Variants in ZCCHC2 observed in about 807,000 individuals in gnomAD.
The protein encoded by ZCCHC2 is zinc finger CCHC domain-containing protein 2.
In ZCCHC2, 39 loss-of-function variants were observed where a neutral mutation model predicts 103.6. The ratio of observed to expected loss-of-function variants is 0.38; its 90% CI spans 0.29 to 0.49. The LOEUF is 0.49. Ranked by LOEUF, ZCCHC2 falls within the 20% of genes least tolerant of loss-of-function variation. The pLI is 0.96. For synonymous variants in ZCCHC2, 687 were observed against 608.9 expected (o/e 1.13, Z -1.89); for missense variants, 1,483 against 1,491.0 (o/e 0.99, Z 0.09).
At chr18:62,567,516 G>A (rs1916417271) in intron 11 of ZCCHC2, among the ~76,000 whole-genome samples, 1 of 152,220 alleles carries the variant, frequency 6.6e-6, no homozygotes, top group Non-Finnish European at 1.5e-5. Flanking sequence ...GCCCTCCTCT[G>A]TGCTGGCTCC....
rs1179048156 is a variant in ZCCHC2, at chr18:62,524,283, C to T, written c.859C>T (p.Leu287Phe). The T allele has an allele frequency of 6.5e-7, 1 of 1,549,016 alleles. No individual in the cohort carries two copies. Among genetic ancestry groups the T allele is most frequent in the Non-Finnish European group, 8.7e-7 (1 of 1,146,432 alleles). Residue 287 changes from leucine (L) to phenylalanine (F), a missense_variant, in exon 1 of 14, where the codon CTC becomes TTC. By Grantham distance (22) the Leu-to-Phe change is conservative. Coordinates refer to ENST00000269499, the MANE Select transcript of ZCCHC2 (RefSeq NM_017742.6). Reference sequence around the variant, plus strand: ...CACCCTGAGGGAACACTTGGAGAGGCTCCGCGCCGCGCTCCGCGGGGGCCC... The same window carrying T: ...CACCCTGAGGGAACACTTGGAGAGGTTCCGCGCCGCGCTCCGCGGGGGCCC... The part of the protein sequence containing the change: ...RVTLREHLER[L>F]RAALRGGPED...
At position 62,577,331 on chromosome 18, in the gene ZCCHC2, ACTTC is replaced by A. The variant is rs1916889293; in HGVS notation, c.*754_*757del. ...AAGCTTTTTCTGAAACCAACTTTTT[ACTTC>A]CATCATCCTTTTTTAGCCTGTTGCT... On this transcript the variant is annotated 3_prime_UTR_variant, in exon 14 of 14. Coordinates refer to ENST00000269499, the MANE Select transcript of ZCCHC2 (RefSeq NM_017742.6). 1 of 152,298 alleles carries A rather than the reference ACTTC, an allele frequency of 6.6e-6. No homozygotes were observed. Among genetic ancestry groups the A allele is most frequent in the Non-Finnish European group, 1.5e-5 (1 of 68,036 alleles). 9.4% of individuals were successfully genotyped at this position (152,298 alleles called of 1,614,324 possible).
chr18:62,586,467 T>C (rs1379444237), exon 15 of ZCCHC2: 1 of 151,520 alleles, frequency 6.6e-6, no homozygotes, highest in African/African-American at 2.4e-5. Context: ...TCCTCTCTGC[T>C]TGCATGTGTA....
chr18:62,544,946 A>C, intron 4 of ZCCHC2, 73 bp downstream of exon 4: 6 of 1,218,900 alleles, frequency 4.9e-6, no homozygotes, highest in Admixed American at 3.3e-5. Context: ...ACGTCAAAAA[A>C]ACACCAGGAA....
At position 62,575,557 on chromosome 18, in the gene ZCCHC2, A is replaced by T. The variant is rs757003671; in HGVS notation, c.3469+7A>T. ...ATGGAGGCCAATCAACAAGGTAATC[A>T]CAATAACTCCCAGAGGACTTGTTTT... is the stretch of plus-strand genomic sequence containing the variant. On this transcript the variant is annotated splice_region_variant and intron_variant, in intron 13 of 13. Transcript: ENST00000269499. 8.1e-6 allele frequency: 13 copies of T among 1,609,966 alleles called. No homozygotes were observed. The highest frequency in any genetic ancestry group is 1.1e-5 in the Non-Finnish European group (13 of 1,177,134).
exon 15 of ZCCHC2, chr18:62,586,168 G>A (rs958375103): frequency 1.3e-5 from 2 of 150,994 alleles, no homozygotes; most frequent in African/African-American, 4.9e-5. Context: ...ATGGAACTGA[G>A]TCATCTCAAA....
At chr18:62,528,998 A>G (rs941445635) in intron 1 of ZCCHC2, among the ~76,000 whole-genome samples, 1 of 152,020 alleles carries the variant, frequency 6.6e-6, no homozygotes, top group Non-Finnish European at 1.5e-5. Flanking sequence ...TATCTCTACT[A>G]AAAATATAAA....
At chr18:62,567,509 C>T (rs114719339) in intron 11 of ZCCHC2, among the ~76,000 whole-genome samples, 2,040 of 152,312 alleles carry the variant, frequency 0.013, 54 homozygotes, top group African/African-American at 0.047. Context: ...GCTCCCAGCC[C>T]TCCTCTGTGC....
chr18:62,565,292 G>C (rs1210656908), intron 11 of ZCCHC2, among the ~76,000 whole-genome samples, 196 bp downstream of exon 11: 2 of 152,100 alleles, frequency 1.3e-5, no homozygotes, highest in Admixed American at 6.5e-5. Context: ...AACCAGCCAT[G>C]GGGGTGGAGA....
At chr18:62,525,978 T>C (rs1914372586) in intron 1 of ZCCHC2, 2 of 152,234 alleles carry the variant, frequency 1.3e-5, no homozygotes, top group South Asian at 4.1e-4. Flanking sequence ...AAATTGCAGG[T>C]CTAAAGAAAA....
At chr18:62,549,718 G>T (rs146694141) in intron 4 of ZCCHC2, among the ~76,000 whole-genome samples, 1,639 of 152,292 alleles carry the variant, frequency 0.011, 27 homozygotes, top group African/African-American at 0.037. Flanking sequence ...TTGGCCAAGT[G>T]TTGATTTTTT....
At chr18:62,532,907 C>T (rs1914750754) in intron 1 of ZCCHC2, among the ~76,000 whole-genome samples, 2 of 152,006 alleles carry the variant, frequency 1.3e-5, no homozygotes. Flanking sequence ...CGTAGTGGTG[C>T]ATGTCTGTAG....
chr18:62,574,767 A>G lies in ZCCHC2; in HGVS notation c.2686A>G (p.Thr896Ala). ...EGNTGTVPQP[T>A]NVKVVLPAAG... Reference sequence around the variant, plus strand: ...AAACACAGGGACAGTCCCTCAGCCTACCAATGTGAAGGTAGTTCTTCCAGC... The same window carrying G: ...AAACACAGGGACAGTCCCTCAGCCTGCCAATGTGAAGGTAGTTCTTCCAGC... Residue 896 changes from threonine (T) to alanine (A), a missense_variant, in exon 13 of 14, where the codon ACC (threonine) becomes GCC (alanine). By Grantham distance (58) the Thr-to-Ala change is moderately conservative. This residue lies in a region of ZCCHC2 where 884 missense variants were observed against 907.5 expected (regional missense o/e 0.97). Transcript: ENST00000269499. The G allele has an allele frequency of 1.2e-6, 2 of 1,613,932 alleles. No individual in the cohort carries two copies. The highest frequency in any genetic ancestry group is 8.5e-7 in the Non-Finnish European group (1 of 1,179,868).
chr18:62,555,965 A>G (rs1377006113), intron 5 of ZCCHC2, among the ~76,000 whole-genome samples: 1 of 152,234 alleles, frequency 6.6e-6, no homozygotes, highest in Admixed American at 6.5e-5. Context: ...ACTTACCATT[A>G]GATTATACAA....
chr18:62,574,268 T>G lies in ZCCHC2; in HGVS notation c.2187T>G (p.Gly729=). Residue 729 remains glycine, a synonymous_variant, in exon 13 of 14, where the codon GGT becomes GGG. Coordinates refer to ENST00000269499, the MANE Select transcript of ZCCHC2 (RefSeq NM_017742.6). The part of the protein sequence containing the change: ...MPTLHCVMHN[G]AQKSEVVVPA... Reference sequence around the variant, plus strand: ...CGTTACACTGTGTCATGCACAATGGTGCCCAGAAGTCTGAAGTTGTCGTTC... The same window carrying G: ...CGTTACACTGTGTCATGCACAATGGGGCCCAGAAGTCTGAAGTTGTCGTTC... 1 of 1,614,064 alleles carries G rather than the reference T, an allele frequency of 6.2e-7. No homozygotes were observed. Among genetic ancestry groups the G allele is most frequent in the Non-Finnish European group, 8.5e-7 (1 of 1,179,902 alleles).
At chr18:62,564,499 GTTTA>G in intron 9 of ZCCHC2, 68 bp from the exon 10 acceptor site, 3 of 1,115,130 alleles carry the variant, frequency 2.7e-6, no homozygotes, top group Non-Finnish European at 3.8e-6. Context: ...TCATTTTAAT[GTTTA>G]TTATGAGAGT....
chr18:62,566,371 T>C (rs1262227356), intron 11 of ZCCHC2, among the ~76,000 whole-genome samples: 3 of 152,238 alleles, frequency 2.0e-5, no homozygotes, highest in Non-Finnish European at 4.4e-5. Context: ...TTGTAACACT[T>C]ACTATCTCTG....
Position 62,560,651 on chromosome 18 carries a change from A to C in ZCCHC2, c.1550+7A>C. On this transcript the variant is annotated splice_region_variant and intron_variant, in intron 8 of 13. Coordinates refer to ENST00000269499, the MANE Select transcript of ZCCHC2 (RefSeq NM_017742.6). ...GGAAAAGTCCCATTGTGAAGTAAGT[A>C]TCCTCTTTCTAAAACAAAAAGTGCT... 6.2e-7 allele frequency: 1 copy of C among 1,610,538 alleles called. No homozygotes were observed. The highest frequency in any genetic ancestry group is 1.7e-5 in the Admixed American group (1 of 59,826).
intron 11 of ZCCHC2, among the ~76,000 whole-genome samples, chr18:62,567,944 C>CAAAAAAGAAAAAAAAA (rs1916437987): frequency 1.2e-5 from 1 of 81,402 alleles, no homozygotes; most frequent in Non-Finnish European, 2.1e-5. Context: ...GACTCTGTCT[C>CAAAAAAGAAAAAAAAA]AAAAAAAAAA....
Sources: gnomAD v4.1 joint callset for allele counts (sites outside exome capture counted in the v4.1 genomes callset) on GRCh38, gnomAD v4.1.1 for gene constraint, gnomAD v4.1.1 regional missense constraint, MANE v1.5 for transcripts, NCBI Gene and HGNC (gene_info 2026-07-23, HGNC 2026-07-21) for gene names.